Variants in DGKB observed in about 807,000 individuals in gnomAD.
DGKB encodes 90 kDa diacylglycerol kinase.
DGKB carries 67 observed loss-of-function variants against 114.3 expected under a neutral mutation model. That is an observed-to-expected ratio of 0.59 (90% CI 0.48 to 0.72). DGKB has a LOEUF of 0.72. Ranked by LOEUF, DGKB falls within the 30% of genes least tolerant of loss-of-function variation. The pLI is 0.00. For missense variants in DGKB, 907 were observed against 975.2 expected, an observed-to-expected ratio of 0.93 and a Z score of 0.93; for synonymous variants, 398 against 323.1, an observed-to-expected ratio of 1.23 and a Z score of -2.49.
intron 2 of DGKB, among the ~76,000 whole-genome samples, chr7:14,771,350 C>A (rs887381139): frequency 1.2e-4 from 18 of 152,102 alleles, no homozygotes; most frequent in African/African-American, 3.9e-4. Context: ...AATAAACTCT[C>A]TTCTTTCCCA....
intron 5 of DGKB, among the ~76,000 whole-genome samples, chr7:14,733,247 A>G (rs1239867915): frequency 6.6e-6 from 1 of 152,256 alleles, no homozygotes; most frequent in Admixed American, 6.5e-5. Flanking sequence ...TTAAGAATCT[A>G]AAAATATTTT....
At chr7:14,339,087 T>C (rs1811166472) in intron 22 of DGKB, among the ~76,000 whole-genome samples, 1 of 151,926 alleles carries the variant, frequency 6.6e-6, no homozygotes, top group Non-Finnish European at 1.5e-5. Context: ...GAAATTGTGA[T>C]GATTGCCCCT....
intron 1 of DGKB, among the ~76,000 whole-genome samples, chr7:14,926,267 T>C (rs1784745669): frequency 6.6e-6 from 1 of 152,068 alleles, no homozygotes; most frequent in Admixed American, 6.5e-5. Flanking sequence ...AAAATTCTTG[T>C]CAGACAACCA....
intron 4 of DGKB, among the ~76,000 whole-genome samples, chr7:14,751,702 C>T (rs574236773): frequency 3.9e-5 from 6 of 152,262 alleles, no homozygotes; most frequent in East Asian, 1.9e-4. Context: ...GCAAATTACA[C>T]GTCATGTTCC....
intron 20 of DGKB, among the ~76,000 whole-genome samples, chr7:14,496,137 G>A (rs1195777995): frequency 6.6e-6 from 1 of 151,776 alleles, no homozygotes; most frequent in African/African-American, 2.4e-5. Flanking sequence ...ATTTACGGAA[G>A]TAGCTTTTTC....
chr7:14,832,519 T>C (rs1036195711), intron 2 of DGKB, among the ~76,000 whole-genome samples: 13 of 152,076 alleles, frequency 8.5e-5, no homozygotes, highest in Non-Finnish European at 1.5e-5. Context: ...CTATTATTGT[T>C]TTTTAAAAAA....
At chr7:14,192,055 T>C (rs11983040) in intron 23 of DGKB, 83,490 of 449,558 alleles carry the variant, frequency 0.19, 9,013 homozygotes, top group African/African-American at 0.35. Flanking sequence ...ATGAGACAGA[T>C]AGTCGCTGTG....
At chr7:14,773,897 T>C (rs1276623109) in intron 2 of DGKB, among the ~76,000 whole-genome samples, 2 of 150,166 alleles carry the variant, frequency 1.3e-5, no homozygotes, top group African/African-American at 5.0e-5. Flanking sequence ...GCCTTTTAAG[T>C]GTTTTGTAGT....
At chr7:14,679,456 C>T (rs1384790448) in intron 12 of DGKB, among the ~76,000 whole-genome samples, 1 of 152,026 alleles carries the variant, frequency 6.6e-6, no homozygotes, top group Non-Finnish European at 1.5e-5. Context: ...TCTTAAGAAT[C>T]TGGTTGGTCT....
At chr7:14,214,291 C>T (rs183875004) in intron 23 of DGKB, among the ~76,000 whole-genome samples, 293 of 152,228 alleles carry the variant, frequency 1.9e-3, no homozygotes, top group Middle Eastern at 3.4e-3. Flanking sequence ...TTTCAACTTA[C>T]ATTTAGCTTT....
intron 17 of DGKB, among the ~76,000 whole-genome samples, chr7:14,591,938 A>G (rs904474473): frequency 1.3e-5 from 2 of 151,980 alleles, no homozygotes; most frequent in African/African-American, 2.4e-5. Context: ...CTGATTCCAG[A>G]ATCTTGGAAA....
chr7:14,945,203 T>A (rs181392498), intron 1 of DGKB, among the ~76,000 whole-genome samples: 98 of 151,888 alleles, frequency 6.5e-4, no homozygotes, highest in African/African-American at 2.3e-3. Flanking sequence ...GTATAAGTCT[T>A]CACAGGCATA....
At chr7:14,159,996 C>T (rs1300167821) in intron 25 of DGKB, among the ~76,000 whole-genome samples, 1 of 151,926 alleles carries the variant, frequency 6.6e-6, no homozygotes, top group Non-Finnish European at 1.5e-5. Context: ...CTTGACTTGG[C>T]TTGGATAAAA....
intron 1 of DGKB, among the ~76,000 whole-genome samples, chr7:14,931,173 G>T (rs1323562630): frequency 4.0e-5 from 6 of 149,358 alleles, no homozygotes; most frequent in African/African-American, 1.5e-4. Flanking sequence ...GTGCAGTGGT[G>T]CTATCTCAGC....
At chr7:14,176,705 A>G in intron 25 of DGKB, 134 bp downstream of exon 25, 1 of 1,474,940 alleles carries the variant, frequency 6.8e-7, no homozygotes, top group South Asian at 1.5e-5. Flanking sequence ...ACACACACAT[A>G]ACAACAACAA....
At chr7:14,421,176 C>G (rs1826627761) in intron 21 of DGKB, among the ~76,000 whole-genome samples, 1 of 152,052 alleles carries the variant, frequency 6.6e-6, no homozygotes, top group South Asian at 2.1e-4. Flanking sequence ...GGCTCCTGAG[C>G]TGCTTGCTTG....
chr7:14,385,457 G>C (rs1412508351), intron 21 of DGKB, among the ~76,000 whole-genome samples: 2 of 152,182 alleles, frequency 1.3e-5, no homozygotes, highest in African/African-American at 4.8e-5. Flanking sequence ...CTTCTAAACA[G>C]TTTTTCATGG....
intron 23 of DGKB, among the ~76,000 whole-genome samples, chr7:14,206,343 G>A (rs575387409): frequency 2.6e-5 from 4 of 152,160 alleles, no homozygotes; most frequent in African/African-American, 9.6e-5. Flanking sequence ...CTGGAAGCAT[G>A]TGAGACTCAT....
intron 1 of DGKB, among the ~76,000 whole-genome samples, chr7:14,966,023 A>G (rs1430072019): frequency 6.6e-6 from 1 of 152,098 alleles, no homozygotes. Context: ...CAATAATTTT[A>G]TAAATATTCT....
Sources: allele counts gnomAD v4.1 joint callset (sites outside exome capture counted in the v4.1 genomes callset), GRCh38; gene constraint gnomAD v4.1.1; transcripts MANE v1.5; gene names NCBI Gene and HGNC (gene_info 2026-07-23, HGNC 2026-07-21).